The following CATSPERE variants were observed in gnomAD, a reference collection of about 807,000 sequenced individuals.
CATSPERE encodes the protein cation channel sperm-associated auxiliary subunit epsilon.
CATSPERE carries 93 observed loss-of-function variants against 114.1 expected under a neutral mutation model. The observed-to-expected ratio is 0.81, with a 90% CI of 0.69 to 0.97. CATSPERE has a LOEUF of 0.97. CATSPERE is among the 50% of genes least tolerant of loss of function. CATSPERE has a pLI of 0.00. For missense variants in CATSPERE, 1,058 were observed against 1,131.6 expected (o/e 0.93, Z 0.93); for synonymous variants, 341 against 384.1 (o/e 0.89, Z 1.31).
upstream of CATSPERE, among the ~76,000 whole-genome samples, chr1:244,457,240 T>A (rs558905433): frequency 1.3e-5 from 2 of 152,332 alleles, no homozygotes; most frequent in African/African-American, 4.8e-5. Context: ...TGGGCCCCTG[T>A]GTCCAAATCA....
At chr1:244,561,634 T>C (rs1469723289) in intron 10 of CATSPERE, among the ~76,000 whole-genome samples, 5 of 152,158 alleles carry the variant, frequency 3.3e-5, no homozygotes, top group African/African-American at 9.7e-5. Context: ...CAGGATCATA[T>C]GTGTTTTTTA....
At chr1:244,543,467 T>C (rs1659198941) in intron 8 of CATSPERE, among the ~76,000 whole-genome samples, 1 of 151,776 alleles carries the variant, frequency 6.6e-6, no homozygotes, top group Non-Finnish European at 1.5e-5. Context: ...AGAATGATGG[T>C]TACCAGAGCT....
intron 8 of CATSPERE, among the ~76,000 whole-genome samples, chr1:244,542,592 T>C (rs541411629): frequency 6.6e-6 from 1 of 152,318 alleles, no homozygotes; most frequent in Admixed American, 6.5e-5. Context: ...GTATTTGATT[T>C]TCTGTTTCTG....
intron 10 of CATSPERE, among the ~76,000 whole-genome samples, chr1:244,566,276 G>A (rs955350783): frequency 6.6e-6 from 1 of 152,112 alleles, no homozygotes; most frequent in East Asian, 1.9e-4. Context: ...AGTTTGATGT[G>A]GTGCTGAGAA....
chr1:244,565,270 A>G (rs1030217897), intron 10 of CATSPERE, among the ~76,000 whole-genome samples: 2 of 152,092 alleles, frequency 1.3e-5, no homozygotes, highest in African/African-American at 4.8e-5. Context: ...CATAAAATGA[A>G]TTAGTGAGGA....
chr1:244,537,182 C>G (rs1334216957), intron 8 of CATSPERE, among the ~76,000 whole-genome samples: 3 of 152,104 alleles, frequency 2.0e-5, no homozygotes, highest in Admixed American at 6.6e-5. Context: ...TTTAGACTCT[C>G]TTTATCAAGT....
At chr1:244,531,360 A>G (rs3003252) in intron 8 of CATSPERE, among the ~76,000 whole-genome samples, 19,568 of 151,988 alleles carry the variant, frequency 0.13, 2,192 homozygotes, top group African/African-American at 0.3. Context: ...TAGGACTTCC[A>G]GTACTGTTGA....
intron 17 of CATSPERE, among the ~76,000 whole-genome samples, chr1:244,595,802 G>A (rs936267845): frequency 2.6e-5 from 4 of 152,114 alleles, no homozygotes; most frequent in East Asian, 3.9e-4. Flanking sequence ...GCGTGGTGGC[G>A]GGCACCTGTA....
intron 10 of CATSPERE, among the ~76,000 whole-genome samples, chr1:244,563,043 G>A (rs1662829582): frequency 6.6e-6 from 1 of 152,142 alleles, no homozygotes; most frequent in Admixed American, 6.5e-5. Flanking sequence ...CTTTATCCAT[G>A]TCCCTGCAAA....
rs569775613 is a variant in CATSPERE at position 244,522,468 on chromosome 1, G to A, written c.536+3770G>A. ...ACACATTCAAAAGGTAGCAGACGGC[G>A]AGAAATAACTAAAATCAGAGCAGAA... On this transcript the variant is annotated intron_variant, in intron 8 of 21. Coordinates refer to ENST00000366534, the MANE Select transcript of CATSPERE (RefSeq NM_001130957.2). Among the ~76,000 whole-genome samples, 41 of 152,018 alleles carry A rather than the reference G, an allele frequency of 2.7e-4. No homozygotes were observed. In the East Asian group the frequency reaches 6.2e-3, roughly 23 times the overall value.
At chr1:244,491,596 G>C (rs891131816) in intron 6 of CATSPERE, among the ~76,000 whole-genome samples, 1 of 151,892 alleles carries the variant, frequency 6.6e-6, no homozygotes, top group African/African-American at 2.4e-5. Context: ...ACTAAAATCA[G>C]GCAGAACTGA....
intron 18 of CATSPERE, among the ~76,000 whole-genome samples, chr1:244,606,179 G>T (rs1169780410): frequency 6.6e-6 from 1 of 152,120 alleles, no homozygotes; most frequent in Non-Finnish European, 1.5e-5. Flanking sequence ...TGCATCATTT[G>T]ACCCTGCTGA....
chr1:244,606,234 G>T (rs1037599304), intron 18 of CATSPERE, among the ~76,000 whole-genome samples: 1 of 152,036 alleles, frequency 6.6e-6, no homozygotes, highest in Non-Finnish European at 1.5e-5. Flanking sequence ...CCTTCCACCC[G>T]CCAGGACTGG....
chr1:244,572,899 A>C, intron 11 of CATSPERE, 127 bp downstream of exon 11: 1 of 684,606 alleles, frequency 1.5e-6, no homozygotes, highest in Non-Finnish European at 2.2e-6. Flanking sequence ...CTGAGTTTTT[A>C]ATAAATAAAA....
Position 244,465,768 on chromosome 1 carries a change from G to A in CATSPERE, c.114+1812G>A, listed in dbSNP as rs2148081974. Among the ~76,000 whole-genome samples the A allele has an allele frequency of 1.3e-5, 2 of 152,298 alleles. 1 individual carries two copies. Among genetic ancestry groups the A allele is most frequent in the South Asian group, 4.1e-4 (2 of 4,824 alleles). ...GTTTTCACAAGCAAAAATCTGCTGAGATTTTGATTGGGATTGCACTTGGGG... is the reference window on the plus strand; with the variant it reads ...GTTTTCACAAGCAAAAATCTGCTGAAATTTTGATTGGGATTGCACTTGGGG... On this transcript the variant is annotated intron_variant, in intron 2 of 21. Transcript: ENST00000366534.
At chr1:244,577,753 A>G (rs1015845671) in intron 11 of CATSPERE, among the ~76,000 whole-genome samples, 2 of 152,230 alleles carry the variant, frequency 1.3e-5, no homozygotes, top group African/African-American at 4.8e-5. Context: ...TTAACACATA[A>G]GTTTTAGAGG....
chr1:244,490,569 G>C (rs1375825465), intron 6 of CATSPERE, 98 bp downstream of exon 6: 1 of 793,880 alleles, frequency 1.3e-6, no homozygotes, highest in East Asian at 2.6e-5. Context: ...TTTTTCAAAT[G>C]AATTTTGCAA....
intron 19 of CATSPERE, among the ~76,000 whole-genome samples, chr1:244,613,438 C>G (rs539604064): frequency 6.6e-6 from 1 of 152,144 alleles, no homozygotes; most frequent in African/African-American, 2.4e-5. Context: ...CAGAGTTTAT[C>G]GAGACATATA....
intron 5 of CATSPERE, among the ~76,000 whole-genome samples, chr1:244,486,400 G>T (rs1047220405): frequency 6.6e-6 from 1 of 151,284 alleles, no homozygotes; most frequent in Non-Finnish European, 1.5e-5. Context: ...ACAGACCCTC[G>T]TAGTCACGTG....
Sources: allele counts gnomAD v4.1 joint callset (sites outside exome capture counted in the v4.1 genomes callset), GRCh38; gene constraint gnomAD v4.1.1; transcripts MANE v1.5; gene names NCBI Gene and HGNC (gene_info 2026-07-23, HGNC 2026-07-21).